Variants in SNTG2 observed in about 807,000 individuals in gnomAD.
SNTG2 encodes the protein syntrophin gamma 2.
Under a neutral mutation model 70.9 loss-of-function variants are expected in SNTG2, and 74 were observed. That is an observed-to-expected ratio of 1.04 (90% confidence interval 0.86 to 1.27). SNTG2 has a LOEUF of 1.27. Among genes scored for constraint, SNTG2 ranks in the 50% most tolerant of loss-of-function variants. The probability of loss-of-function intolerance (pLI) is 0.00; values close to 1 mark genes in which losing one functional copy is unlikely to be tolerated. For synonymous variants in SNTG2, 278 were observed against 273.8 expected (o/e 1.02, Z -0.15); for missense variants, 717 against 690.7 (o/e 1.04, Z -0.43).
At chr2:1,276,062 C>G (rs1679252820) in intron 14 of SNTG2, among the ~76,000 whole-genome samples, 1 of 152,218 alleles carries the variant, frequency 6.6e-6, no homozygotes, top group Non-Finnish European at 1.5e-5. Context: ...AGAAGAAAAA[C>G]TGGAAGCTAG....
chr2:1,156,183 A>G (rs4971395), intron 6 of SNTG2, among the ~76,000 whole-genome samples: 137,244 of 152,210 alleles, frequency 0.9, 62,493 homozygotes, highest in South Asian at 0.98. Context: ...GGCAAGGACT[A>G]CTCTGAAGGG....
At chr2:1,244,844 T>G (rs976489859) in intron 11 of SNTG2, among the ~76,000 whole-genome samples, 2 of 152,050 alleles carry the variant, frequency 1.3e-5, no homozygotes, top group Non-Finnish European at 2.9e-5. Context: ...AATAAGCTTG[T>G]TTTTGCCTGC....
intron 1 of SNTG2, among the ~76,000 whole-genome samples, chr2:962,890 T>A (rs1273784125): frequency 6.6e-6 from 1 of 152,160 alleles, no homozygotes; most frequent in East Asian, 1.9e-4. Context: ...AATTAGAGAA[T>A]GAGCGTGCTA....
intron 1 of SNTG2, among the ~76,000 whole-genome samples, chr2:1,015,030 C>A (rs1000853011): frequency 2.0e-5 from 3 of 152,104 alleles, no homozygotes; most frequent in Non-Finnish European, 4.4e-5. Flanking sequence ...CATCTCTGTC[C>A]TAAGAAGGAG....
At chr2:958,205 C>T (rs1394561204) in intron 1 of SNTG2, among the ~76,000 whole-genome samples, 3 of 152,102 alleles carry the variant, frequency 2.0e-5, no homozygotes, top group African/African-American at 2.4e-5. Flanking sequence ...CTCTATCCCA[C>T]GTGCAAAGGC....
chr2:1,136,612 G>A (rs1668403743), intron 4 of SNTG2, among the ~76,000 whole-genome samples: 1 of 152,190 alleles, frequency 6.6e-6, no homozygotes, highest in South Asian at 2.1e-4. Flanking sequence ...TATATAGTTT[G>A]TCAAGAGCAT....
intron 16 of SNTG2, chr2:1,346,242 TG>T (rs1660260691): frequency 6.6e-6 from 1 of 151,018 alleles, no homozygotes; most frequent in African/African-American, 2.5e-5. Flanking sequence ...TGGGCACGCC[TG>T]GCCCAGCAGC....
intron 4 of SNTG2, among the ~76,000 whole-genome samples, chr2:1,134,278 C>T (rs1054914856): frequency 4.6e-5 from 7 of 152,080 alleles, no homozygotes; most frequent in East Asian, 1.9e-4. Context: ...CTGGTGGCGC[C>T]GGGATCCTGC....
chr2:1,173,064 G>A, intron 7 of SNTG2, 28 bp from the exon 8 acceptor site: 2 of 1,604,498 alleles, frequency 1.2e-6, no homozygotes, highest in Non-Finnish European at 1.7e-6. Context: ...GGCACCAATT[G>A]GAAGGGACTT....
intron 9 of SNTG2, among the ~76,000 whole-genome samples, chr2:1,221,489 GTCTC>G (rs200068520): frequency 4.8e-5 from 2 of 42,074 alleles, no homozygotes; most frequent in African/African-American, 1.2e-4. Context: ...CTCTCTCTCT[GTCTC>G]TCTCTGTCTC....
rs71299845 is a variant in SNTG2, at chr2:1,197,515, ATG to A, written c.592-11554_592-11553del. ...TATGTATATATGTGTATGTATATATATGTGTGTGTGTGTGTGTGTGTGTGTGT... is the reference window on the plus strand; with the variant it reads ...TATGTATATATGTGTATGTATATATATGTGTGTGTGTGTGTGTGTGTGTGT... On this transcript the variant is annotated intron_variant, in intron 8 of 16. Transcript: ENST00000308624. Among the ~76,000 whole-genome samples, 1,180 of 128,306 alleles carry A rather than the reference ATG, an allele frequency of 9.2e-3. 11 individuals are homozygous for A. The highest frequency in any genetic ancestry group is 0.022 in the South Asian group (78 of 3,600). 84.2% of individuals were successfully genotyped at this position (128,306 alleles called of 152,430 possible).
In SNTG2 at chr2:1,186,164, TA is replaced by T. The variant is rs77319571; in HGVS notation, c.591+12982del. 0.01 allele frequency among the ~76,000 whole-genome samples: 36 copies of T among 3,588 alleles called. No individual in the cohort carries two copies. The Admixed American group carries it at 0.17, about 17-fold the overall frequency. 2.4% of individuals were successfully genotyped at this position (3,588 alleles called of 152,430 possible). ...GGCACAATGCCTCCAACCTCTTTGCTATAAGTGTAACAAAAGTGATGACCTT... is the reference window on the plus strand; with the variant it reads ...GGCACAATGCCTCCAACCTCTTTGCTTAAGTGTAACAAAAGTGATGACCTT... On this transcript the variant is annotated intron_variant, in intron 8 of 16. Transcript: ENST00000308624.
intron 14 of SNTG2, among the ~76,000 whole-genome samples, chr2:1,301,531 G>A (rs1169528143): frequency 6.6e-6 from 1 of 152,092 alleles, no homozygotes; most frequent in African/African-American, 2.4e-5. Context: ...TCCATACCCA[G>A]ATCCTTACAA....
chr2:1,176,529 C>G (rs1209385552), intron 8 of SNTG2, among the ~76,000 whole-genome samples: 1 of 151,756 alleles, frequency 6.6e-6, no homozygotes, highest in Non-Finnish European at 1.5e-5. Flanking sequence ...TTCTGCACAG[C>G]AAAAACAACT....
At chr2:1,274,423 A>G (rs1310476446) in intron 14 of SNTG2, among the ~76,000 whole-genome samples, 1 of 152,250 alleles carries the variant, frequency 6.6e-6, no homozygotes, top group Non-Finnish European at 1.5e-5. Flanking sequence ...AATTATTGGC[A>G]TATGCAATGA....
chr2:1,180,651 T>G (rs1659509216), intron 8 of SNTG2, among the ~76,000 whole-genome samples: 2 of 149,464 alleles, frequency 1.3e-5, no homozygotes, highest in Non-Finnish European at 3.0e-5. Flanking sequence ...ATTGTGGAAG[T>G]CAGTGTGGCG....
At chr2:1,276,239 G>A (rs997795124) in intron 14 of SNTG2, among the ~76,000 whole-genome samples, 6 of 152,244 alleles carry the variant, frequency 3.9e-5, no homozygotes, top group Non-Finnish European at 7.3e-5. Flanking sequence ...CCATGTAGAC[G>A]AAACAGCATT....
intron 1 of SNTG2, among the ~76,000 whole-genome samples, chr2:1,015,595 A>G (rs1195902167): frequency 6.6e-6 from 1 of 152,244 alleles, no homozygotes; most frequent in African/African-American, 2.4e-5. Flanking sequence ...ATGATGTCCA[A>G]GTTCACTTGT....
chr2:1,348,173 C>T (rs1315038288), intron 16 of SNTG2, among the ~76,000 whole-genome samples: 3 of 152,136 alleles, frequency 2.0e-5, no homozygotes, highest in Non-Finnish European at 2.9e-5. Context: ...GCACAGCATG[C>T]CCTTTATATG....
Sources: allele counts gnomAD v4.1 joint callset (sites outside exome capture counted in the v4.1 genomes callset), GRCh38; gene constraint gnomAD v4.1.1; transcripts MANE v1.5; gene names NCBI Gene and HGNC (gene_info 2026-07-23, HGNC 2026-07-21).